Variants in CBLB observed in about 807,000 individuals in gnomAD.
CBLB encodes the protein E3 ubiquitin-protein ligase CBL-B.
In CBLB, 31 loss-of-function variants were observed where a neutral mutation model predicts 104.9. The ratio of observed to expected loss-of-function variants is 0.30; its 90% CI spans 0.22 to 0.40. The LOEUF (loss-of-function observed/expected upper bound fraction) is 0.40. Among genes scored for constraint, CBLB ranks in the 10% least tolerant of loss-of-function variants. The pLI is 1.00. For synonymous variants in CBLB, 440 were observed against 422.6 expected (o/e 1.04, Z -0.51); for missense variants, 1,062 against 1,214.6 (o/e 0.87, Z 1.87).
intron 17 of CBLB, among the ~76,000 whole-genome samples, chr3:105,677,049 T>A (rs1382084588): frequency 6.6e-6 from 1 of 152,132 alleles, no homozygotes; most frequent in African/African-American, 2.4e-5. Flanking sequence ...GGTAGTGCTT[T>A]TATGGCAGTG....
At position 105,720,159 on chromosome 3, in the gene CBLB, C is replaced by T. The variant is rs2072576347; in HGVS notation, c.1295G>A (p.Gly432Asp). ...IVDPFDPRDE[G>D]SRCCSIIDPF... The stretch of plus-strand genomic sequence containing the variant: ...GTCAATGATGCTGCAACACCTGGAG[C>T]CTTCATCTCTTGGATCAAAGGGGTC... The change falls in exon 10 of 19, where the codon GGC becomes GAC. Residue 432 changes from glycine to aspartate, a missense_variant. Transcript: ENST00000394030. 1.2e-6 allele frequency: 2 copies of T among 1,613,878 alleles called. No homozygotes were observed. Among genetic ancestry groups the T allele is most frequent in the Non-Finnish European group, 1.7e-6 (2 of 1,179,900 alleles).
At chr3:105,789,416 A>T (rs1180641120) in intron 3 of CBLB, among the ~76,000 whole-genome samples, 1 of 152,180 alleles carries the variant, frequency 6.6e-6, no homozygotes. Flanking sequence ...AAAAAAACCA[A>T]CCAGGGAACG....
At chr3:105,701,852 TA>T in intron 12 of CBLB, among the ~76,000 whole-genome samples, 1 of 151,818 alleles carries the variant, frequency 6.6e-6, no homozygotes, top group South Asian at 2.1e-4. Context: ...GAAGGTGAAA[TA>T]AATCTCTGGC....
chr3:105,670,274 T>A lies in CBLB; in HGVS notation c.2648A>T (p.Asn883Ile). The part of the protein sequence containing the change: ...RRLPGENVKT[N>I]RTSQDYDQLP... Reference sequence around the variant, plus strand: ...CTGATCATAGTCCTGTGATGTTCTGTTAGTTTTGACATTTTCACCTGGTAA... The same window carrying A: ...CTGATCATAGTCCTGTGATGTTCTGATAGTTTTGACATTTTCACCTGGTAA... The change falls in exon 18 of 19, where the codon AAC becomes ATC. Residue 883 changes from asparagine (N) to isoleucine (I), a missense_variant. By Grantham distance (149) the Asn-to-Ile change is moderately radical. Transcript: ENST00000394030. The A allele has an allele frequency of 6.2e-7, 1 of 1,613,230 alleles. No homozygotes were observed. Among genetic ancestry groups the A allele is most frequent in the Non-Finnish European group, 8.5e-7 (1 of 1,179,340 alleles).
At chr3:105,762,264 G>C (rs2077715622) in intron 4 of CBLB, 1 of 152,242 alleles carries the variant, frequency 6.6e-6, no homozygotes, top group East Asian at 1.9e-4. Flanking sequence ...CATTCTCTGA[G>C]AAGAACCTCA....
At chr3:105,840,548 C>G (rs979002073) in intron 3 of CBLB, among the ~76,000 whole-genome samples, 1 of 152,134 alleles carries the variant, frequency 6.6e-6, no homozygotes, top group East Asian at 1.9e-4. Flanking sequence ...AATTCTGATA[C>G]CCTTCATATG....
intron 3 of CBLB, among the ~76,000 whole-genome samples, chr3:105,783,453 T>C (rs914665708): frequency 2.0e-5 from 3 of 152,288 alleles, no homozygotes; most frequent in Non-Finnish European, 4.4e-5. Context: ...ATTATTAAGA[T>C]CATCAATTAT....
intron 6 of CBLB, among the ~76,000 whole-genome samples, chr3:105,744,425 T>A (rs1270643324): frequency 6.6e-6 from 1 of 152,182 alleles, no homozygotes; most frequent in Non-Finnish European, 1.5e-5. Context: ...TAAACCACTG[T>A]CAATATGCAA....
chr3:105,857,702 G>T (rs923758235), intron 2 of CBLB, among the ~76,000 whole-genome samples: 6 of 151,994 alleles, frequency 3.9e-5, no homozygotes, highest in Admixed American at 2.0e-4. Flanking sequence ...GCAAATTTAC[G>T]TAAACTTCAG....
rs779818760 is a variant in CBLB at position 105,761,813 on chromosome 3, T to G, written c.567-10195A>C. On this transcript the variant is annotated intron_variant, in intron 4 of 18. Transcript: ENST00000394030. ...GATAACAGGGAGAGGTTGGAACAGT[T>G]TGGAGGGCTCAGAAGAAGAGAGGAA... 4.5e-4 allele frequency among the ~76,000 whole-genome samples: 68 copies of G among 152,064 alleles called. 1 individual carries two copies. Among genetic ancestry groups the G allele is most frequent in the Non-Finnish European group, 1.3e-4 (9 of 68,002 alleles).
At chr3:105,756,302 T>C (rs1046639782) in intron 4 of CBLB, among the ~76,000 whole-genome samples, 8 of 152,152 alleles carry the variant, frequency 5.3e-5, no homozygotes, top group African/African-American at 1.4e-4. Context: ...AAAATTGATA[T>C]AAAATATCAG....
At chr3:105,831,861 A>C (rs922521555) in intron 3 of CBLB, among the ~76,000 whole-genome samples, 1 of 151,858 alleles carries the variant, frequency 6.6e-6, no homozygotes, top group Non-Finnish European at 1.5e-5. Flanking sequence ...TGAAGTTTAA[A>C]TGTTATTCAA....
chr3:105,691,785 C>A (rs1226068606), intron 13 of CBLB, among the ~76,000 whole-genome samples: 2 of 152,156 alleles, frequency 1.3e-5, no homozygotes, highest in Admixed American at 6.5e-5. Flanking sequence ...GGAGAATGAT[C>A]TAATTCGCTG....
At chr3:105,681,375 T>G (rs2066293698) in intron 16 of CBLB, 104 bp downstream of exon 16, 2 of 1,248,046 alleles carry the variant, frequency 1.6e-6, no homozygotes, top group East Asian at 2.4e-5. Flanking sequence ...TCAGGCAAAT[T>G]CACAACCCAG....
At chr3:105,851,381 G>T (rs973505489) in intron 3 of CBLB, among the ~76,000 whole-genome samples, 16 of 152,090 alleles carry the variant, frequency 1.1e-4, no homozygotes, top group Non-Finnish European at 2.1e-4. Flanking sequence ...GTTCAGGGGG[G>T]GAAGTGAGAC....
intron 17 of CBLB, chr3:105,672,571 T>C (rs1425245299): frequency 6.4e-6 from 1 of 156,264 alleles, no homozygotes; most frequent in East Asian, 1.7e-4. Flanking sequence ...TTTTCTAAAA[T>C]AAATTCTTCA....
At chr3:105,838,527 G>A (rs2088979426) in intron 3 of CBLB, among the ~76,000 whole-genome samples, 1 of 152,008 alleles carries the variant, frequency 6.6e-6, no homozygotes, top group Non-Finnish European at 1.5e-5. Flanking sequence ...AAAGGGAGGA[G>A]AAAGGGGCAG....
chr3:105,836,889 T>A (rs2088602641), intron 3 of CBLB, among the ~76,000 whole-genome samples: 1 of 151,488 alleles, frequency 6.6e-6, no homozygotes, highest in Non-Finnish European at 1.5e-5. Context: ...TTCCTTTCTT[T>A]AAAAGCCCTG....
chr3:105,747,591 T>C (rs577227058), intron 5 of CBLB, among the ~76,000 whole-genome samples: 2 of 152,134 alleles, frequency 1.3e-5, no homozygotes, highest in Non-Finnish European at 2.9e-5. Context: ...TTGAAAAAAA[T>C]GCATGTTTTT....
Sources: gnomAD v4.1 joint callset for allele counts (sites outside exome capture counted in the v4.1 genomes callset) on GRCh38, gnomAD v4.1.1 for gene constraint, MANE v1.5 for transcripts, NCBI Gene and HGNC (gene_info 2026-07-23, HGNC 2026-07-21) for gene names.